GNAS: variants seen among roughly 807,000 people sequenced by gnomAD.
The protein encoded by GNAS is protein ALEX.
A neutral mutation model predicts 54.5 loss-of-function variants in GNAS; 8 were observed. The observed-to-expected ratio is 0.15, with a 90% CI of 0.09 to 0.26. The LOEUF (loss-of-function observed/expected upper bound fraction) is 0.26, where lower values mean the gene tolerates loss of function less well. Ranked by LOEUF, GNAS falls within the 10% of genes least tolerant of loss-of-function variation. The pLI is 1.00. For synonymous variants in GNAS, 204 were observed against 191.4 expected, an observed-to-expected ratio of 1.07 and a Z score of -0.54; for missense variants, 170 against 529.8, an observed-to-expected ratio of 0.32 and a Z score of 6.67.
intron 3 of GNAS, chr20:58,903,261 T>G: frequency 1.8e-6 from 1 of 558,056 alleles, no homozygotes. Context: ...CATGAAAGAT[T>G]AAATGAGCTG....
Position 58,854,208 on chromosome 20 carries a change from C to T in GNAS, c.43+13322C>T, listed in dbSNP as rs895133917. 1.3e-5 allele frequency: 21 copies of T among 1,613,038 alleles called. No individual in the cohort carries two copies. The highest frequency in any genetic ancestry group is 1.6e-5 in the Non-Finnish European group (19 of 1,179,878). On this transcript the variant is annotated intron_variant, in intron 1 of 12. Transcript: ENST00000306090. ...ACCCCCGTTCGAGATTGGCAGCGCC[C>T]CCGCTGGGGTCGACGACACTCCCGT... is the stretch of plus-strand genomic sequence containing the variant.
At chr20:58,893,089 T>TTTTTTTTTTTAAG (rs2089661375) in intron 1 of GNAS, among the ~76,000 whole-genome samples, 1 of 100,360 alleles carries the variant, frequency 1.0e-5, no homozygotes, top group Non-Finnish European at 2.2e-5. Flanking sequence ...TTTTTTTTTT[T>TTTTTTTTTTTAAG]GTCCTCCTCA....
At chr20:58,870,667 G>C (rs1490411493) in intron 1 of GNAS, among the ~76,000 whole-genome samples, 1 of 152,166 alleles carries the variant, frequency 6.6e-6, no homozygotes, top group Non-Finnish European at 1.5e-5. Context: ...TCAGGGGAGG[G>C]GTGGTTGGGG....
chr20:58,903,054 T>C (rs1443479054), intron 3 of GNAS: 2 of 311,620 alleles, frequency 6.4e-6, no homozygotes, highest in East Asian at 8.4e-5. Flanking sequence ...TGAACTATTA[T>C]AAACACCACC....
rs1254063262 is a variant in GNAS, at chr20:58,910,817, C to T, written c.1173C>T (p.Tyr391=). 4.3e-6 allele frequency: 7 copies of T among 1,613,928 alleles called. No homozygotes were observed. Among genetic ancestry groups the T allele is most frequent in the South Asian group, 3.3e-5 (3 of 91,084 alleles). The part of the protein sequence containing the change: ...DIIQRMHLRQ[Y]ELL ...TTCAGCGCATGCACCTTCGTCAGTA[C>T]GAGCTGCTCTAAGAAGGGAACCCCC... The change falls in exon 13 of 13, where the codon TAC becomes TAT. Residue 391 remains tyrosine (Y), a synonymous_variant. Coordinates refer to ENST00000371085, the MANE Select transcript of GNAS (RefSeq NM_000516.7). The surrounding 1 kb of genome is among the most constrained non-coding windows in gnomAD (Gnocchi z 5.8).
At chr20:58,865,874 G>T (rs2087037955) in intron 1 of GNAS, among the ~76,000 whole-genome samples, 1 of 152,128 alleles carries the variant, frequency 6.6e-6, no homozygotes. Context: ...CCATAGCTAG[G>T]CTAAATCAAT....
chr20:58,855,113 C>T lies in GNAS; in HGVS notation c.43+14227C>T, dbSNP rs1329521133. 6 of 1,613,598 alleles carry T rather than the reference C, an allele frequency of 3.7e-6. No homozygotes were observed. The highest frequency in any genetic ancestry group is 1.7e-5 in the Admixed American group (1 of 60,012). ...TCCGCAACTTTCTCGTGCAAGCCTT[C>T]GGGGGCTGCTTCGGTCGATCTGAGA... is the stretch of plus-strand genomic sequence containing the variant. On this transcript the variant is annotated intron_variant, in intron 1 of 12. Transcript: ENST00000306090.
intron 1 of GNAS, among the ~76,000 whole-genome samples, chr20:58,880,738 A>G (rs1022702583): frequency 2.0e-5 from 3 of 151,952 alleles, no homozygotes. Context: ...TACATGTTTT[A>G]GAAATTATCC....
intron 2 of GNAS, chr20:58,897,418 A>G (rs1601048345): frequency 6.6e-6 from 1 of 152,204 alleles, no homozygotes; most frequent in Non-Finnish European, 1.5e-5. Flanking sequence ...TAATTTGACC[A>G]TGTATCCTCT....
intron 5 of GNAS, among the ~76,000 whole-genome samples, chr20:58,904,158 T>C (rs149166076): frequency 9.5e-4 from 145 of 152,274 alleles, no homozygotes; most frequent in African/African-American, 3.1e-3. Context: ...TATTCCCTCA[T>C]TCACATCTTA....
rs996332601 is a variant in GNAS at position 58,909,154 on chromosome 20, T to C, written c.531-8T>C. ...TGAACACCCCACGTGTCTTTCTTTT[T>C]CTCCCAGCTTCCTGGACAAGATCGA... is the stretch of plus-strand genomic sequence containing the variant. On this transcript the variant is annotated splice_polypyrimidine_tract_variant and splice_region_variant and intron_variant, in intron 6 of 12. Coordinates refer to ENST00000371085, the MANE Select transcript of GNAS (RefSeq NM_000516.7). The surrounding 1 kb of genome is among the most constrained non-coding windows in gnomAD (Gnocchi z 7.3). 1 of 1,613,724 alleles carries C rather than the reference T, an allele frequency of 6.2e-7. No individual in the cohort carries two copies. Among genetic ancestry groups the C allele is most frequent in the African/African-American group, 1.3e-5 (1 of 75,016 alleles).
intron 1 of GNAS, chr20:58,892,122 T>A: frequency 1.0e-6 from 1 of 963,192 alleles, no homozygotes; most frequent in Non-Finnish European, 1.2e-6. Context: ...GCCCGCTCAG[T>A]GTCTCTCTCT....
At chr20:58,885,754 T>C (rs1457944699) in intron 1 of GNAS, among the ~76,000 whole-genome samples, 2 of 152,250 alleles carry the variant, frequency 1.3e-5, no homozygotes, top group Non-Finnish European at 2.9e-5. Context: ...ATCATCTGCA[T>C]GACATAGGCT....
chr20:58,888,972 C>T, upstream of GNAS: 7 of 677,014 alleles, frequency 1.0e-5, no homozygotes, highest in Non-Finnish European at 1.3e-5. Flanking sequence ...CCATCGCGGC[C>T]CCCGCGCCCC....
At chr20:58,855,066 C>T in intron 1 of GNAS, 2 of 1,613,250 alleles carry the variant, frequency 1.2e-6, no homozygotes, top group South Asian at 1.1e-5. Flanking sequence ...TCGCCGCCGC[C>T]GAAAGCCCCA....
rs1327345888 is a variant in GNAS at position 58,903,770 on chromosome 20, G to A, written c.411G>A (p.Val137=). Residue 137 remains valine, a synonymous_variant, in exon 5 of 13, where the codon GTG becomes GTA. Coordinates refer to ENST00000371085, the MANE Select transcript of GNAS (RefSeq NM_000516.7). ...ACTACATCCTGAGTGTGATGAACGT[G>A]CCTGACTTTGACTTCCCTCCCGTAA... ...RVDYILSVMN[V]PDFDFPPEFY... is the part of the protein sequence containing the mutation. 6.2e-7 allele frequency: 1 copy of A among 1,613,946 alleles called. No homozygotes were observed.
chr20:58,865,810 G>A (rs893280016), intron 1 of GNAS, among the ~76,000 whole-genome samples: 2 of 152,080 alleles, frequency 1.3e-5, no homozygotes, highest in African/African-American at 4.8e-5. Context: ...AATAGAAAAG[G>A]AAATTATTTC....
intron 1 of GNAS, chr20:58,852,928 A>T (rs1244296863): frequency 1.2e-6 from 1 of 834,546 alleles, no homozygotes; most frequent in East Asian, 5.0e-5. Flanking sequence ...CGCTCGTCAG[A>T]TCCAAGCAGG....
chr20:58,911,070 A>T lies in GNAS; in HGVS notation c.*241A>T. 1.5e-6 allele frequency: 1 copy of T among 654,292 alleles called. No homozygotes were observed. The highest frequency in any genetic ancestry group is 2.1e-5 in the Admixed American group (1 of 47,970). 40.5% of individuals were successfully genotyped at this position (654,292 alleles called of 1,614,324 possible). A position where few individuals can be genotyped will look rare whatever the true frequency, so the allele number is the denominator to read the frequency against. ...GCCACAAAAGTTCCCTCTCACTTTC[A>T]GTAAAAATAAATAAAACAGCAGCAG... On this transcript the variant is annotated 3_prime_UTR_variant, in exon 13 of 13. Transcript: ENST00000371085.
Sources: allele counts gnomAD v4.1 joint callset (sites outside exome capture counted in the v4.1 genomes callset), GRCh38; gene constraint gnomAD v4.1.1; non-coding constraint Gnocchi (gnomAD v3.1); transcripts MANE v1.5; gene names NCBI Gene and HGNC (gene_info 2026-07-23, HGNC 2026-07-21).